Variants in CHRM3 observed in about 807,000 individuals in gnomAD.
CHRM3 encodes cholinergic receptor muscarinic 3.
In CHRM3, 11 loss-of-function variants were observed where a neutral mutation model predicts 41.8. That is an observed-to-expected ratio of 0.26 (90% confidence interval 0.17 to 0.44). The LOEUF (loss-of-function observed/expected upper bound fraction) is 0.44. Among genes scored for constraint, CHRM3 ranks in the 20% least tolerant of loss-of-function variants. The probability of loss-of-function intolerance (pLI) is 1.00; values close to 1 mark genes in which losing one functional copy is unlikely to be tolerated. For synonymous variants in CHRM3, 297 were observed against 301.4 expected, an observed-to-expected ratio of 0.99 and a Z score of 0.15; for missense variants, 571 against 745.4, an observed-to-expected ratio of 0.77 and a Z score of 2.72.
At chr1:239,600,729 C>G (rs907470625) in intron 3 of CHRM3, among the ~76,000 whole-genome samples, 2 of 150,666 alleles carry the variant, frequency 1.3e-5, no homozygotes, top group African/African-American at 4.9e-5. Flanking sequence ...TCCTTCTTCC[C>G]TCCCTCCTTC....
chr1:239,491,093 A>T (rs1667522679), intron 1 of CHRM3, among the ~76,000 whole-genome samples: 1 of 152,162 alleles, frequency 6.6e-6, no homozygotes, highest in South Asian at 2.1e-4. Flanking sequence ...AGTGGGATAC[A>T]GTGTGATATT....
At chr1:239,731,268 A>G in intron 5 of CHRM3, among the ~76,000 whole-genome samples, 1 of 151,940 alleles carries the variant, frequency 6.6e-6, no homozygotes, top group East Asian at 1.9e-4. Flanking sequence ...CACTATATGG[A>G]TGTCAGTGGA....
intron 2 of CHRM3, among the ~76,000 whole-genome samples, chr1:239,543,785 G>A (rs1046933530): frequency 6.6e-6 from 1 of 152,016 alleles, no homozygotes; most frequent in African/African-American, 2.4e-5. Context: ...TGGGATTACA[G>A]GTGCGAGCCA....
At chr1:239,867,324 A>C (rs1676198019) in intron 6 of CHRM3, among the ~76,000 whole-genome samples, 1 of 152,226 alleles carries the variant, frequency 6.6e-6, no homozygotes, top group Non-Finnish European at 1.5e-5. Flanking sequence ...TGCTTATTTG[A>C]AAACTGAATC....
chr1:239,876,002 T>C (rs910410792), intron 6 of CHRM3, among the ~76,000 whole-genome samples: 10 of 152,182 alleles, frequency 6.6e-5, no homozygotes, highest in African/African-American at 2.4e-4. Context: ...CCTCAATCCT[T>C]GAATTGTGGA....
chr1:239,665,848 C>T (rs951425954), intron 4 of CHRM3, among the ~76,000 whole-genome samples: 5 of 152,110 alleles, frequency 3.3e-5, no homozygotes, highest in East Asian at 3.9e-4. Context: ...GATATGAATT[C>T]ATCCTTTTTT....
At chr1:239,705,736 G>A (rs1294070736) in intron 5 of CHRM3, 1 of 152,114 alleles carries the variant, frequency 6.6e-6, no homozygotes, top group Non-Finnish European at 1.5e-5. Context: ...ATATAAAGAA[G>A]AGAAAATGAC....
intron 2 of CHRM3, among the ~76,000 whole-genome samples, chr1:239,527,882 C>T (rs895707923): frequency 8.5e-5 from 13 of 152,322 alleles, no homozygotes; most frequent in African/African-American, 3.1e-4. Flanking sequence ...AACTGTATTT[C>T]ATTACCATCC....
At chr1:239,634,866 C>A in intron 4 of CHRM3, among the ~76,000 whole-genome samples, 1 of 152,084 alleles carries the variant, frequency 6.6e-6, no homozygotes, top group East Asian at 1.9e-4. Context: ...CAATTTTTGG[C>A]ATTATAAAAA....
chr1:239,885,091 A>C (rs1677959515), intron 6 of CHRM3, among the ~76,000 whole-genome samples: 1 of 152,154 alleles, frequency 6.6e-6, no homozygotes, highest in South Asian at 2.1e-4. Context: ...TCTAGAGCTC[A>C]TTGGAGAAAT....
chr1:239,560,790 C>T (rs988885521), intron 3 of CHRM3, among the ~76,000 whole-genome samples: 4 of 151,990 alleles, frequency 2.6e-5, no homozygotes, highest in Non-Finnish European at 5.9e-5. Context: ...ATTCAGGTTC[C>T]ACACAACAAG....
chr1:239,864,951 G>A lies in CHRM3; in HGVS notation c.-20+37573G>A, dbSNP rs529445859. 5.9e-5 allele frequency among the ~76,000 whole-genome samples: 9 copies of A among 152,248 alleles called. No individual in the cohort carries two copies. The South Asian group carries it at 1.0e-3, about 18-fold the overall frequency. On this transcript the variant is annotated intron_variant, in intron 6 of 6. Coordinates refer to ENST00000676153, the MANE Select transcript of CHRM3 (RefSeq NM_001375978.1). ...TTATATGTCTTCTAGGGTGGAGAAGGTGACAACATCTATCACACTTATAAA... is the reference window on the plus strand; with the variant it reads ...TTATATGTCTTCTAGGGTGGAGAAGATGACAACATCTATCACACTTATAAA...
chr1:239,858,916 C>G (rs549350496), intron 6 of CHRM3, among the ~76,000 whole-genome samples: 15 of 152,302 alleles, frequency 9.8e-5, no homozygotes, highest in African/African-American at 3.6e-4. Flanking sequence ...GATCCATCCA[C>G]CTTGTACCAC....
intron 3 of CHRM3, among the ~76,000 whole-genome samples, chr1:239,618,411 G>A (rs545237895): frequency 6.6e-6 from 1 of 150,620 alleles, no homozygotes; most frequent in African/African-American, 2.4e-5. Flanking sequence ...CCGGAGAGAA[G>A]CTCAGGCCTC....
At chr1:239,659,479 T>A (rs1309369749) in intron 4 of CHRM3, among the ~76,000 whole-genome samples, 1 of 152,198 alleles carries the variant, frequency 6.6e-6, no homozygotes, top group Non-Finnish European at 1.5e-5. Context: ...AAGAGAACTT[T>A]CCATGATGAA....
rs1479012911 is a variant in CHRM3 at position 239,801,331 on chromosome 1, C to CA, written c.-146-25920dup. Among the ~76,000 whole-genome samples, 14 of 152,310 alleles carry CA rather than the reference C, an allele frequency of 9.2e-5. No homozygotes were observed. In the South Asian group the frequency reaches 2.1e-3, roughly 23 times the overall value. ...GATTTAGGGCTTCCTGAAGTAGGTACAGCCAGGGCTAGGACCACTGTCTCT... is the reference window on the plus strand; with the variant it reads ...GATTTAGGGCTTCCTGAAGTAGGTACAAGCCAGGGCTAGGACCACTGTCTCT... On this transcript the variant is annotated intron_variant, in intron 5 of 6. Transcript: ENST00000676153.
chr1:239,832,981 C>T (rs1037797349), intron 6 of CHRM3, among the ~76,000 whole-genome samples: 9 of 152,254 alleles, frequency 5.9e-5, no homozygotes, highest in Admixed American at 3.9e-4. Flanking sequence ...CAGCAGGTCC[C>T]AGCCTCATTT....
chr1:239,659,689 T>C (rs1673020203), intron 4 of CHRM3, among the ~76,000 whole-genome samples: 1 of 152,206 alleles, frequency 6.6e-6, no homozygotes, highest in Non-Finnish European at 1.5e-5. Flanking sequence ...CCCCTTCAGA[T>C]TTCTTCAACT....
At chr1:239,694,727 A>T (rs1660021307) in intron 5 of CHRM3, among the ~76,000 whole-genome samples, 1 of 152,214 alleles carries the variant, frequency 6.6e-6, no homozygotes, top group South Asian at 2.1e-4. Context: ...AAATGGAGTC[A>T]TCCTTTGTAT....
Sources: gnomAD v4.1 joint callset for allele counts (sites outside exome capture counted in the v4.1 genomes callset) on GRCh38, gnomAD v4.1.1 for gene constraint, MANE v1.5 for transcripts, NCBI Gene and HGNC (gene_info 2026-07-23, HGNC 2026-07-21) for gene names.